The following CC2D2A variants were observed in gnomAD, a reference collection of about 807,000 sequenced individuals.
The protein encoded by CC2D2A is coiled-coil and C2 domain containing 2A.
Under a neutral mutation model 212.9 loss-of-function variants are expected in CC2D2A, and 155 were observed. The ratio of observed to expected loss-of-function variants is 0.73; its 90% CI spans 0.64 to 0.83. The LOEUF is 0.83. CC2D2A is among the 40% of genes least tolerant of loss of function. The probability of loss-of-function intolerance (pLI) is 0.00; values close to 1 mark genes in which losing one functional copy is unlikely to be tolerated. For missense variants in CC2D2A, 1,856 were observed against 1,956.2 expected (o/e 0.95, Z 0.97); for synonymous variants, 667 against 686.5 (o/e 0.97, Z 0.44).
At chr4:15,600,536 T>C (rs900788818) in intron 36 of CC2D2A, among the ~76,000 whole-genome samples, 4 of 152,116 alleles carry the variant, frequency 2.6e-5, no homozygotes, top group South Asian at 2.1e-4. Context: ...TCCTAACAAG[T>C]TTCCCAAGAT....
intron 4 of CC2D2A, among the ~76,000 whole-genome samples, chr4:15,497,701 G>A (rs904501068): frequency 6.6e-6 from 1 of 152,114 alleles, no homozygotes; most frequent in Non-Finnish European, 1.5e-5. Flanking sequence ...CATCCTATAG[G>A]GGTGAAGTGG....
rs116452560 is a variant in CC2D2A, at chr4:15,571,446, G to C, written c.3594+950G>C. 8.3e-3 allele frequency among the ~76,000 whole-genome samples: 1,264 copies of C among 152,194 alleles called. 15 individuals carry two copies. Among genetic ancestry groups the C allele is most frequent in the African/African-American group, 0.029 (1,211 of 41,522 alleles). ...TAAGTCTATGGCAACAGGAGGCTTT[G>C]AATCACTGTAATGTCCACACAGGGT... On this transcript the variant is annotated intron_variant, in intron 28 of 36. Coordinates refer to ENST00000424120, the MANE Select transcript of CC2D2A (RefSeq NM_001378615.1).
chr4:15,537,211 C>T, intron 15 of CC2D2A, 135 bp downstream of exon 15: 1 of 697,960 alleles, frequency 1.4e-6, no homozygotes, highest in Non-Finnish European at 2.3e-6. Context: ...TTCCCCGTCC[C>T]CTGGCTAAGG....
chr4:15,490,270 CA>C (rs573200604), intron 4 of CC2D2A, among the ~76,000 whole-genome samples: 55 of 152,288 alleles, frequency 3.6e-4, no homozygotes, highest in African/African-American at 1.3e-3. Flanking sequence ...TTTATCACCA[CA>C]AAAAGTTCCT....
chr4:15,490,812 C>T (rs557507321), intron 4 of CC2D2A, among the ~76,000 whole-genome samples: 1 of 152,080 alleles, frequency 6.6e-6, no homozygotes. Context: ...AGTTAAAGAT[C>T]GACCCCTGAC....
At chr4:15,551,660 CT>C (rs1344219153) in intron 18 of CC2D2A, among the ~76,000 whole-genome samples, 1 of 152,068 alleles carries the variant, frequency 6.6e-6, no homozygotes, top group Non-Finnish European at 1.5e-5. Context: ...GTTCTGACAG[CT>C]TTTTTTCCTT....
intron 1 of CC2D2A, among the ~76,000 whole-genome samples, chr4:15,474,561 A>T (rs549957695): frequency 3.3e-5 from 5 of 152,190 alleles, no homozygotes; most frequent in Admixed American, 6.5e-5. Context: ...TAATAATTTA[A>T]TTGTACATTT....
intron 5 of CC2D2A, 96 bp from the exon 6 acceptor site, chr4:15,502,726 C>T: frequency 1.0e-5 from 12 of 1,167,170 alleles, no homozygotes; most frequent in South Asian, 5.7e-5. Context: ...ATTTTCCTTG[C>T]TCTTCCCCTT....
At chr4:15,556,385 A>G (rs1225759022) in intron 20 of CC2D2A, among the ~76,000 whole-genome samples, 2 of 152,246 alleles carry the variant, frequency 1.3e-5, no homozygotes, top group Non-Finnish European at 2.9e-5. Context: ...CTCCTAAAGC[A>G]TGATACACCT....
chr4:15,511,108 A>G (rs1716544959), intron 7 of CC2D2A, 139 bp from the exon 8 acceptor site: 5 of 928,836 alleles, frequency 5.4e-6, no homozygotes, highest in African/African-American at 1.8e-5. Context: ...GTAGTCTCAC[A>G]CCTTTAACTA....
chr4:15,517,604 C>T (rs1716958151), intron 11 of CC2D2A, among the ~76,000 whole-genome samples: 1 of 152,148 alleles, frequency 6.6e-6, no homozygotes, highest in South Asian at 2.1e-4. Context: ...CCCAGGCTTG[C>T]TGTGTAAATT....
At chr4:15,597,700 A>G (rs1350336649) in intron 35 of CC2D2A, among the ~76,000 whole-genome samples, 6 of 152,246 alleles carry the variant, frequency 3.9e-5, no homozygotes, top group African/African-American at 7.2e-5. Flanking sequence ...GTACTTCTAC[A>G]GGGACTTCAC....
At chr4:15,519,294 A>G (rs1445108327) in intron 11 of CC2D2A, 1 of 391,970 alleles carries the variant, frequency 2.6e-6, no homozygotes, top group Non-Finnish European at 4.9e-6. Context: ...CCAGTTCCCA[A>G]CAAGTTCCTC....
chr4:15,516,068 T>C (rs1381387521), intron 10 of CC2D2A, 64 bp downstream of exon 10: 4 of 1,431,554 alleles, frequency 2.8e-6, no homozygotes, highest in Non-Finnish European at 9.2e-7. Context: ...TTTATTTTCC[T>C]AACAGGGCAG....
Position 15,480,786 on chromosome 4 carries a change from A to G in CC2D2A, c.206A>G (p.Lys69Arg). ...CAGGAGCCTGTGCAGGAGGAGCCCA[A>G]GACCCGCCTCCTGAGTATGACAGTC... ...NPQEPVQEEPKTRLLSMTVRR... is the reference protein window; with the variant it reads ...NPQEPVQEEPRTRLLSMTVRR... The change falls in exon 4 of 37, where the codon AAG (lysine) becomes AGG (arginine). Residue 69 changes from lysine (K) to arginine (R), a missense_variant. Physicochemically the swap from Lys to Arg is conservative, Grantham distance 26. This residue lies in a region of CC2D2A where 1,512 missense variants were observed against 1,579.3 expected (regional missense o/e 0.96). Coordinates refer to ENST00000424120, the MANE Select transcript of CC2D2A (RefSeq NM_001378615.1). 6.2e-7 allele frequency: 1 copy of G among 1,613,508 alleles called. No individual in the cohort carries two copies. Among genetic ancestry groups the G allele is most frequent in the Non-Finnish European group, 8.5e-7 (1 of 1,179,706 alleles).
Position 15,511,291 on chromosome 4 carries a change from T to C in CC2D2A, c.585T>C (p.Phe195=). The C allele has an allele frequency of 6.2e-7, 1 of 1,601,786 alleles. No individual in the cohort carries two copies. The highest frequency in any genetic ancestry group is 1.1e-5 in the South Asian group (1 of 88,152). The stretch of plus-strand genomic sequence containing the variant: ...CTGCAGAAGAGGCCTATAACTTCTT[T>C]ACTTTCAACTTTGATCCCGAACCAG... ...FPSAEEAYNF[F]TFNFDPEPEG... is the part of the protein sequence containing the mutation. The change falls in exon 8 of 37, where the codon TTT becomes TTC. Residue 195 remains phenylalanine, a synonymous_variant. Coordinates refer to ENST00000424120, the MANE Select transcript of CC2D2A (RefSeq NM_001378615.1).
chr4:15,597,607 G>T lies in CC2D2A; in HGVS notation c.4496+142G>T, dbSNP rs114926503. 1,677 of 721,204 alleles carry T rather than the reference G, an allele frequency of 2.3e-3. 21 individuals are homozygous for T. The African/African-American group carries it at 0.027, about 12-fold the overall frequency. 44.7% of individuals were successfully genotyped at this position (721,204 alleles called of 1,614,324 possible). A position where few individuals can be genotyped will look rare whatever the true frequency, so the allele number is the denominator to read the frequency against. ...ATGTTTATAGATTCCAAATACAGATGTGATCTCTAAATCCCATGGCTCAAA... is the reference window on the plus strand; with the variant it reads ...ATGTTTATAGATTCCAAATACAGATTTGATCTCTAAATCCCATGGCTCAAA... On this transcript the variant is annotated intron_variant, in intron 35 of 36. Coordinates refer to ENST00000424120, the MANE Select transcript of CC2D2A (RefSeq NM_001378615.1).
intron 4 of CC2D2A, among the ~76,000 whole-genome samples, chr4:15,500,132 T>C (rs1016185762): frequency 1.4e-5 from 2 of 147,676 alleles, no homozygotes; most frequent in African/African-American, 5.0e-5. Context: ...TATATATATA[T>C]GTATTTTTTA....
chr4:15,506,916 A>G (rs1716290061), intron 6 of CC2D2A, among the ~76,000 whole-genome samples: 1 of 151,540 alleles, frequency 6.6e-6, no homozygotes, highest in Non-Finnish European at 1.5e-5. Flanking sequence ...TACTAAAAAT[A>G]CAAAAAAAAA....
Sources: gnomAD v4.1 joint callset for allele counts (sites outside exome capture counted in the v4.1 genomes callset) on GRCh38, gnomAD v4.1.1 for gene constraint, gnomAD v4.1.1 regional missense constraint, MANE v1.5 for transcripts, NCBI Gene and HGNC (gene_info 2026-07-23, HGNC 2026-07-21) for gene names.